Variants in PPM1B observed in about 807,000 individuals in gnomAD.
The protein encoded by PPM1B is protein phosphatase, Mg2+/Mn2+ dependent 1B.
In PPM1B, 22 loss-of-function variants were observed where a neutral mutation model predicts 43.0. The ratio of observed to expected loss-of-function variants is 0.51; its 90% CI spans 0.37 to 0.73. The LOEUF (loss-of-function observed/expected upper bound fraction) is 0.73. Among genes scored for constraint, PPM1B ranks in the 30% least tolerant of loss-of-function variants. PPM1B has a pLI of 0.00. For missense variants in PPM1B, 632 were observed against 584.2 expected, an observed-to-expected ratio of 1.08 and a Z score of -0.84; for synonymous variants, 217 against 197.9, an observed-to-expected ratio of 1.10 and a Z score of -0.81.
chr2:44,210,152 G>A (rs901767957), intron 3 of PPM1B, among the ~76,000 whole-genome samples: 1 of 151,546 alleles, frequency 6.6e-6, no homozygotes. Flanking sequence ...TTTATTGATA[G>A]AGTTAACATT....
Position 44,169,480 on chromosome 2 carries a change from C to T in PPM1B, c.-15+206C>T, listed in dbSNP as rs565926215. ...CTCGGGTATAGGCCCCTTCCCCGGCCGCCGCCTCCGCTGGGCTGAGGTCTG... is the reference window on the plus strand; with the variant it reads ...CTCGGGTATAGGCCCCTTCCCCGGCTGCCGCCTCCGCTGGGCTGAGGTCTG... On this transcript the variant is annotated intron_variant, in intron 1 of 5. Coordinates refer to ENST00000282412, the MANE Select transcript of PPM1B (RefSeq NM_002706.6). 2.2e-3 allele frequency among the ~76,000 whole-genome samples: 342 copies of T among 152,348 alleles called. 3 individuals are homozygous for T. The highest frequency in any genetic ancestry group is 7.9e-3 in the African/African-American group (327 of 41,590).
intron 2 of PPM1B, among the ~76,000 whole-genome samples, chr2:44,208,027 T>G (rs1669276177): frequency 6.6e-6 from 1 of 151,832 alleles, no homozygotes. Flanking sequence ...TAGCTGGTAT[T>G]ACAGGTGCGC....
chr2:44,238,672 A>G (rs1670682454), downstream of PPM1B, among the ~76,000 whole-genome samples: 1 of 152,070 alleles, frequency 6.6e-6, no homozygotes. Flanking sequence ...ACTGCACTCC[A>G]GCCTGGGCGA....
intron 1 of PPM1B, among the ~76,000 whole-genome samples, chr2:44,177,814 T>C (rs1667657616): frequency 6.6e-6 from 1 of 152,006 alleles, no homozygotes; most frequent in Non-Finnish European, 1.5e-5. Context: ...AATTTGTTCT[T>C]GTCACTTAAT....
At chr2:44,227,164 G>C (rs925252914) in intron 5 of PPM1B, among the ~76,000 whole-genome samples, 5 of 151,434 alleles carry the variant, frequency 3.3e-5, no homozygotes, top group African/African-American at 1.2e-4. Flanking sequence ...TTGTAGAGAC[G>C]GGGTCTCCCC....
At chr2:44,179,279 G>A (rs1343097237) in intron 1 of PPM1B, among the ~76,000 whole-genome samples, 2 of 152,188 alleles carry the variant, frequency 1.3e-5, no homozygotes, top group Non-Finnish European at 2.9e-5. Flanking sequence ...TTTGTAAATT[G>A]CACAGTCTTG....
At chr2:44,222,055 C>G (rs1031181719) in intron 5 of PPM1B, among the ~76,000 whole-genome samples, 3 of 152,046 alleles carry the variant, frequency 2.0e-5, no homozygotes, top group South Asian at 2.1e-4. Context: ...CCCCAGAAAT[C>G]TTTTGGAAAA....
At chr2:44,188,393 C>CTTTTTTTTTTT (rs67959948) in intron 1 of PPM1B, among the ~76,000 whole-genome samples, 13 of 92,286 alleles carry the variant, frequency 1.4e-4, no homozygotes, top group Non-Finnish European at 2.1e-4. Flanking sequence ...TTCTTTCTTT[C>CTTTTTTTTTTT]TTTTTTTTTT....
intron 1 of PPM1B, among the ~76,000 whole-genome samples, chr2:44,173,866 C>G (rs1396490285): frequency 1.3e-5 from 2 of 152,128 alleles, no homozygotes; most frequent in Non-Finnish European, 2.9e-5. Context: ...TTGCTTGTAC[C>G]CGAGAGGTGA....
chr2:44,209,385 A>AATCCT (rs1669348216), intron 3 of PPM1B, 58 bp downstream of exon 3: 1 of 1,572,696 alleles, frequency 6.4e-7, no homozygotes, highest in Non-Finnish European at 8.6e-7. Flanking sequence ...TCATGCCTGT[A>AATCCT]ATCCTAGCAC....
intron 5 of PPM1B, chr2:44,244,171 C>G (rs1355999782): frequency 1.1e-6 from 1 of 908,424 alleles, no homozygotes; most frequent in African/African-American, 2.0e-5. Flanking sequence ...CCCAATCCTG[C>G]AAGAAAAAAA....
At chr2:44,232,539 C>CTGTA, downstream of PPM1B, 1 of 1,433,120 alleles carries the variant, frequency 7.0e-7, no homozygotes, top group Admixed American at 3.0e-5. Flanking sequence ...GTAGCATTGC[C>CTGTA]TGTACTACAG....
At chr2:44,186,594 C>CA (rs1668131337) in intron 1 of PPM1B, among the ~76,000 whole-genome samples, 1 of 152,136 alleles carries the variant, frequency 6.6e-6, no homozygotes, top group Non-Finnish European at 1.5e-5. Flanking sequence ...AGGCTGGTCT[C>CA]AAACTGCTGG....
Position 44,168,926 on chromosome 2 carries a change from C to G in PPM1B, c.-363C>G, listed in dbSNP as rs1027304195. The G allele has an allele frequency of 6.5e-6, 1 of 153,482 alleles. No individual in the cohort carries two copies. Among genetic ancestry groups the G allele is most frequent in the East Asian group, 1.9e-4 (1 of 5,206 alleles). 9.5% of individuals were successfully genotyped at this position (153,482 alleles called of 1,614,324 possible). ...CAATGGCGGAAAAGCCGCCGGTGCT[C>G]TGACGGCCTCGTTCCCCTAGCAGTT... is the stretch of plus-strand genomic sequence containing the variant. On this transcript the variant is annotated 5_prime_UTR_variant, in exon 1 of 6. Transcript: ENST00000282412.
intron 2 of PPM1B, among the ~76,000 whole-genome samples, chr2:44,205,855 T>C (rs1207991926): frequency 6.6e-6 from 1 of 152,170 alleles, no homozygotes; most frequent in Non-Finnish European, 1.5e-5. Context: ...AAAGGCAACA[T>C]CATTCTATAT....
intron 5 of PPM1B, among the ~76,000 whole-genome samples, chr2:44,220,900 A>G (rs1669949972): frequency 6.6e-6 from 1 of 152,254 alleles, no homozygotes; most frequent in Non-Finnish European, 1.5e-5. Flanking sequence ...GGCAAGGACA[A>G]AGTATAAGAT....
intron 5 of PPM1B, among the ~76,000 whole-genome samples, chr2:44,220,546 A>G (rs966377885): frequency 1.3e-5 from 2 of 152,222 alleles, no homozygotes; most frequent in African/African-American, 2.4e-5. Flanking sequence ...TAAATGTTCT[A>G]TCAACATCAG....
chr2:44,198,727 C>T (rs1255583422), intron 1 of PPM1B, among the ~76,000 whole-genome samples: 2 of 152,142 alleles, frequency 1.3e-5, no homozygotes, highest in Non-Finnish European at 2.9e-5. Flanking sequence ...CCCTGGTTGT[C>T]TCTGCAGGGG....
intron 3 of PPM1B, among the ~76,000 whole-genome samples, chr2:44,212,628 ATTTT>A (rs932220267): frequency 6.6e-6 from 1 of 150,968 alleles, no homozygotes; most frequent in Non-Finnish European, 1.5e-5. Context: ...TGTTTCATCT[ATTTT>A]TTTTTATCCT....
Sources: gnomAD v4.1 joint callset for allele counts (sites outside exome capture counted in the v4.1 genomes callset) on GRCh38, gnomAD v4.1.1 for gene constraint, MANE v1.5 for transcripts, NCBI Gene and HGNC (gene_info 2026-07-23, HGNC 2026-07-21) for gene names.